The following ZNF362 variants were observed in gnomAD, a reference collection of about 807,000 sequenced individuals.
ZNF362 encodes the protein rotund homolog.
Under a neutral mutation model 42.9 loss-of-function variants are expected in ZNF362, and 11 were observed. The ratio of observed to expected loss-of-function variants is 0.26; its 90% CI spans 0.16 to 0.42. ZNF362 has a LOEUF of 0.42. Ranked by LOEUF, ZNF362 falls within the 20% of genes least tolerant of loss-of-function variation. The pLI is 1.00. For synonymous variants in ZNF362, 255 were observed against 257.3 expected (o/e 0.99, Z 0.09); for missense variants, 362 against 576.2 (o/e 0.63, Z 3.81).
At chr1:33,189,737 A>ATATGTG in the ZNF362 span, among the ~76,000 whole-genome samples, 1 of 142,744 alleles carries the variant, frequency 7.0e-6, no homozygotes, top group Non-Finnish European at 1.5e-5. Context: ...ACATACACAT[A>ATATGTG]TATATATATA....
At chr1:33,129,624 G>A in the ZNF362 span, among the ~76,000 whole-genome samples, 2 of 152,122 alleles carry the variant, frequency 1.3e-5, no homozygotes, top group Admixed American at 6.5e-5. The surrounding 1 kb of genome is among the most constrained non-coding windows in gnomAD (Gnocchi z 4.1). Context: ...GTGTAAATAT[G>A]GACCTTGTGA....
At chr1:33,235,405 A>G in the ZNF362 span, among the ~76,000 whole-genome samples, 3 of 152,058 alleles carry the variant, frequency 2.0e-5, no homozygotes, top group African/African-American at 7.3e-5. Flanking sequence ...TTGCCAGGAG[A>G]AGGAAACAGA....
the ZNF362 span, among the ~76,000 whole-genome samples, chr1:33,223,045 G>A: frequency 6.6e-6 from 1 of 152,122 alleles, no homozygotes; most frequent in Non-Finnish European, 1.5e-5. Flanking sequence ...GAGGTCAGGA[G>A]ATCAAGACCA....
chr1:33,257,061 C>T (rs1349850158), intron 1 of ZNF362, among the ~76,000 whole-genome samples: 1 of 152,184 alleles, frequency 6.6e-6, no homozygotes, highest in African/African-American at 2.4e-5. Flanking sequence ...TTGCAGCCGG[C>T]CCGGTGGAGC....
the ZNF362 span, among the ~76,000 whole-genome samples, chr1:33,238,294 G>A: frequency 1.7e-5 from 2 of 118,536 alleles, no homozygotes; most frequent in Non-Finnish European, 3.8e-5. Context: ...ACGCCAGCCC[G>A]GGTGACAGTG....
intron 6 of ZNF362, among the ~76,000 whole-genome samples, chr1:33,291,535 C>G (rs1464247016): frequency 6.6e-6 from 1 of 152,208 alleles, no homozygotes. Context: ...TTAGGATTGA[C>G]TTGGCAATGC....
the ZNF362 span, among the ~76,000 whole-genome samples, chr1:33,178,263 G>A: frequency 6.6e-6 from 1 of 152,206 alleles, no homozygotes; most frequent in Non-Finnish European, 1.5e-5. Context: ...CAGCTGCTGG[G>A]AGAGAAGGGG....
chr1:33,275,815 G>T (rs1645940510), intron 2 of ZNF362, among the ~76,000 whole-genome samples: 1 of 152,132 alleles, frequency 6.6e-6, no homozygotes, highest in African/African-American at 2.4e-5. Context: ...GCACTGGGGT[G>T]ATAGGGGTGG....
At chr1:33,256,735 G>A (rs1486145075) in intron 1 of ZNF362, 81 bp downstream of exon 1, 2 of 145,376 alleles carry the variant, frequency 1.4e-5, no homozygotes, top group African/African-American at 4.9e-5. Context: ...GCCGAGTTGC[G>A]GGCGGGGGCC....
the ZNF362 span, among the ~76,000 whole-genome samples, chr1:33,160,390 A>AT: frequency 2.0e-5 from 3 of 151,330 alleles, no homozygotes; most frequent in South Asian, 2.1e-4. Flanking sequence ...TGAAGTCTTT[A>AT]TTTTTTTTGC....
the ZNF362 span, among the ~76,000 whole-genome samples, chr1:33,228,858 C>T: frequency 1.3e-5 from 2 of 152,180 alleles, no homozygotes; most frequent in Non-Finnish European, 2.9e-5. Flanking sequence ...TCCGCCACTT[C>T]CCACATGCCT....
At chr1:33,218,986 C>CATACATA in the ZNF362 span, among the ~76,000 whole-genome samples, 1 of 146,354 alleles carries the variant, frequency 6.8e-6, no homozygotes, top group East Asian at 2.1e-4. Context: ...CACACATACA[C>CATACATA]CACCCCCTGC....
the ZNF362 span, among the ~76,000 whole-genome samples, chr1:33,133,699 G>T: frequency 1.3e-5 from 2 of 152,204 alleles, no homozygotes; most frequent in African/African-American, 4.8e-5. Context: ...GCAGTGGACT[G>T]CTCCCCCAGG....
intron 1 of ZNF362, among the ~76,000 whole-genome samples, chr1:33,265,521 C>G (rs779348902): frequency 6.6e-6 from 1 of 152,040 alleles, no homozygotes; most frequent in Admixed American, 6.6e-5. Flanking sequence ...GAAGGAAGTT[C>G]CCAGGAGTGT....
At chr1:33,143,170 G>A in the ZNF362 span, 1 of 152,160 alleles carries the variant, frequency 6.6e-6, no homozygotes, top group Non-Finnish European at 1.5e-5. Flanking sequence ...CTCTGGACGT[G>A]TATCAAATAT....
chr1:33,256,878 G>A (rs1014415242), intron 1 of ZNF362, among the ~76,000 whole-genome samples: 1 of 150,136 alleles, frequency 6.7e-6, no homozygotes, highest in African/African-American at 2.4e-5. Context: ...AGTGTCTCCC[G>A]CGGCGTGTCT....
At chr1:33,231,500 A>T in the ZNF362 span, among the ~76,000 whole-genome samples, 1 of 152,172 alleles carries the variant, frequency 6.6e-6, no homozygotes, top group Non-Finnish European at 1.5e-5. Flanking sequence ...GGGCTCCAAA[A>T]GATACCTGTG....
chr1:33,204,352 A>T, the ZNF362 span, among the ~76,000 whole-genome samples: 7 of 152,232 alleles, frequency 4.6e-5, no homozygotes, highest in South Asian at 1.0e-3. Flanking sequence ...TTATGTCAGT[A>T]CTATACTGTT....
chr1:33,198,225 G>A, the ZNF362 span, among the ~76,000 whole-genome samples: 2 of 152,212 alleles, frequency 1.3e-5, no homozygotes, highest in African/African-American at 4.8e-5. Context: ...GAGAAAAGTC[G>A]GCCAAGTGTG....
Sources: allele counts gnomAD v4.1 joint callset (sites outside exome capture counted in the v4.1 genomes callset), GRCh38; gene constraint gnomAD v4.1.1; non-coding constraint Gnocchi (gnomAD v3.1); transcripts MANE v1.5; gene names NCBI Gene and HGNC (gene_info 2026-07-23, HGNC 2026-07-21).